TPI1: variants seen among roughly 807,000 people sequenced by gnomAD.
TPI1 encodes triosephosphate isomerase.
A neutral mutation model predicts 31.0 loss-of-function variants in TPI1; 11 were observed. The ratio of observed to expected loss-of-function variants is 0.36; its 90% CI spans 0.22 to 0.59. The LOEUF (loss-of-function observed/expected upper bound fraction) is 0.59, where lower values mean the gene tolerates loss of function less well. Among genes scored for constraint, TPI1 ranks in the 20% least tolerant of loss-of-function variants. The pLI, the probability that TPI1 is intolerant of heterozygous loss-of-function variation, is 0.79. For missense variants in TPI1, 245 were observed against 319.7 expected (o/e 0.77, Z 1.78); for synonymous variants, 121 against 122.8 (o/e 0.99, Z 0.10).
upstream of TPI1, chr12:6,867,447 G>GGGCGGGCCAT: frequency 6.6e-7 from 1 of 1,504,934 alleles, no homozygotes; most frequent in Non-Finnish European, 8.9e-7. Context: ...CCGGGGGACT[G>GGGCGGGCCAT]GGCGGGCCAT....
chr12:6,868,296 C>G (rs1944505129), intron 1 of TPI1: 2 of 1,287,520 alleles, frequency 1.6e-6, no homozygotes, highest in Non-Finnish European at 1.0e-6. Context: ...CTGGAAACAG[C>G]AAAGCGCAAG....
intron 1 of TPI1, chr12:6,868,285 C>T (rs1555131858): frequency 7.8e-7 from 1 of 1,287,586 alleles, no homozygotes; most frequent in East Asian, 5.5e-5. Context: ...CTTTCCCCAA[C>T]CTGGAAACAG....
At chr12:6,869,876 C>T in intron 5 of TPI1, 103 bp downstream of exon 5, 1 of 1,457,638 alleles carries the variant, frequency 6.9e-7, no homozygotes. Flanking sequence ...ACACAGAGAC[C>T]TTGAACCCAG....
chr12:6,868,149 G>A (rs915605123), intron 1 of TPI1: 2 of 1,130,996 alleles, frequency 1.8e-6, no homozygotes, highest in Non-Finnish European at 2.2e-6. Context: ...CGAGCTGCTC[G>A]GGCTCCCTGA....
intron 1 of TPI1, chr12:6,868,380 C>A: frequency 7.8e-7 from 1 of 1,288,164 alleles, no homozygotes. Flanking sequence ...CTCCCTCCAC[C>A]GAAATCGGAG....
Position 6,870,270 on chromosome 12 carries a change from G to T in TPI1, c.637G>T (p.Val213Leu). The change falls in exon 7 of 7, where the codon GTG (valine) becomes TTG (leucine). Residue 213 changes from valine to leucine, a missense_variant. Transcript: ENST00000396705. The stretch of plus-strand genomic sequence containing the variant: ...TTGTTCTGCTCCCTTCCCAGGCTCT[G>T]TGACTGGGGCAACCTGCAAGGAGCT... ...QSTRIIYGGS[V>L]TGATCKELAS... 6.2e-7 allele frequency: 1 copy of T among 1,614,144 alleles called. No individual in the cohort carries two copies. The highest frequency in any genetic ancestry group is 8.5e-7 in the Non-Finnish European group (1 of 1,180,006).
At chr12:6,868,026 G>C in intron 1 of TPI1, 1 of 1,205,002 alleles carries the variant, frequency 8.3e-7, no homozygotes, top group Non-Finnish European at 1.1e-6. Context: ...GAGACCGGGG[G>C]AGGCTGGGCC....
At chr12:6,869,655 A>G (rs1224502094) in intron 4 of TPI1, 33 bp from the exon 5 acceptor site, 2 of 1,612,072 alleles carry the variant, frequency 1.2e-6, no homozygotes, top group East Asian at 2.2e-5. Flanking sequence ...TTTCTTGTTC[A>G]CCCTTCCCTC....
Position 6,869,383 on chromosome 12 carries a change from C to A in TPI1, c.450C>A (p.Val150=). 2.5e-6 allele frequency: 4 copies of A among 1,614,080 alleles called. No homozygotes were observed. Among genetic ancestry groups the A allele is most frequent in the South Asian group, 1.1e-5 (1 of 91,064 alleles). Residue 150 remains valine (V), a synonymous_variant, in exon 4 of 7, where the codon GTC becomes GTA. Transcript: ENST00000396705. ...TEKVVFEQTK[V]IADNVKDWSK... is the part of the protein sequence containing the mutation. ...AGGTTGTTTTCGAGCAGACAAAGGTCATCGCAGGTATCTCTGGAGAAAGGG... is the reference window on the plus strand; with the variant it reads ...AGGTTGTTTTCGAGCAGACAAAGGTAATCGCAGGTATCTCTGGAGAAAGGG...
At position 6,869,788 on chromosome 12, in the gene TPI1, G is replaced by A. The variant is rs1555132397; in HGVS notation, c.543+15G>A. 1.2e-6 allele frequency: 2 copies of A among 1,613,996 alleles called. No individual in the cohort carries two copies. Among genetic ancestry groups the A allele is most frequent in the Admixed American group, 1.7e-5 (1 of 60,028 alleles). On this transcript the variant is annotated intron_variant, in intron 5 of 6. Transcript: ENST00000396705. ...CACCCCAACAGGTAACCGGGCCCAGGAGCCCTGCCCTCATCCCAGCCTGCC... is the reference window on the plus strand; with the variant it reads ...CACCCCAACAGGTAACCGGGCCCAGAAGCCCTGCCCTCATCCCAGCCTGCC...
At position 6,870,311 on chromosome 12, in the gene TPI1, T is replaced by A; in HGVS notation, c.678T>A (p.Asp226Glu). Reference sequence around the variant, plus strand: ...GCAAGGAGCTGGCCAGCCAGCCTGATGTGGATGGCTTCCTTGTGGGTGGTG... The same window carrying A: ...GCAAGGAGCTGGCCAGCCAGCCTGAAGTGGATGGCTTCCTTGTGGGTGGTG... ...ATCKELASQP[D>E]VDGFLVGGAS... The change falls in exon 7 of 7, where the codon GAT (aspartate) becomes GAA (glutamate). Residue 226 changes from aspartate to glutamate, a missense_variant. Transcript: ENST00000396705. 6.2e-7 allele frequency: 1 copy of A among 1,614,218 alleles called. No individual in the cohort carries two copies. The highest frequency in any genetic ancestry group is 8.5e-7 in the Non-Finnish European group (1 of 1,180,038).
chr12:6,870,922 AAAC>A lies in TPI1; in HGVS notation c.*542_*544del, dbSNP rs782559646. ...GATCATTTGTGCAAGAAAAAAAAAAAAACAAGAACAGGTTTCTATAACAACATC... is the reference window on the plus strand; with the variant it reads ...GATCATTTGTGCAAGAAAAAAAAAAAAAGAACAGGTTTCTATAACAACATC... On this transcript the variant is annotated 3_prime_UTR_variant, in exon 7 of 7. Coordinates refer to ENST00000396705, the MANE Select transcript of TPI1 (RefSeq NM_000365.6). 1.7e-4 allele frequency: 111 copies of A among 651,634 alleles called. No homozygotes were observed. Among genetic ancestry groups the A allele is most frequent in the Non-Finnish European group, 2.1e-4 (76 of 359,850 alleles). The allele number at this position is 651,634 out of a possible 1,614,324, so 40.4% of individuals were successfully genotyped here. A position where few individuals can be genotyped will look rare whatever the true frequency, so the allele number is the denominator to read the frequency against.
At position 6,869,983 on chromosome 12, in the gene TPI1, G is replaced by A. The variant is rs192901775; in HGVS notation, c.544-66G>A. The A allele has an allele frequency of 3.8e-6, 6 of 1,563,222 alleles. No homozygotes were observed. The Admixed American group carries it at 6.7e-5, about 17-fold the overall frequency. On this transcript the variant is annotated intron_variant, in intron 5 of 6. Transcript: ENST00000396705. ...TCAGAAACCACACTAAGTGTCCACTGGTGCCAGTGATTTTTCCTCTTAGAG... is the reference window on the plus strand; with the variant it reads ...TCAGAAACCACACTAAGTGTCCACTAGTGCCAGTGATTTTTCCTCTTAGAG...
chr12:6,870,275 T>C lies in TPI1; in HGVS notation c.642T>C (p.Thr214=). 6.2e-7 allele frequency: 1 copy of C among 1,614,130 alleles called. No homozygotes were observed. Among genetic ancestry groups the C allele is most frequent in the Non-Finnish European group, 8.5e-7 (1 of 1,179,992 alleles). ...CTGCTCCCTTCCCAGGCTCTGTGAC[T>C]GGGGCAACCTGCAAGGAGCTGGCCA... The part of the protein sequence containing the change: ...STRIIYGGSV[T]GATCKELASQ... The change falls in exon 7 of 7, where the codon ACT becomes ACC. Residue 214 remains threonine (T), a synonymous_variant. Coordinates refer to ENST00000396705, the MANE Select transcript of TPI1 (RefSeq NM_000365.6).
intron 1 of TPI1, chr12:6,868,637 G>A: frequency 2.2e-6 from 3 of 1,351,212 alleles, no homozygotes; most frequent in Non-Finnish European, 3.0e-6. Flanking sequence ...AGAGGGCAGG[G>A]TGAGGGCCGT....
chr12:6,870,213 G>C, intron 6 of TPI1, 52 bp from the exon 7 acceptor site: 1 of 1,601,830 alleles, frequency 6.2e-7, no homozygotes, highest in East Asian at 2.2e-5. Context: ...AGGTGGGGAT[G>C]GGGCAGACTC....
Position 6,867,666 on chromosome 12 carries a change from G to A in TPI1, c.100G>A (p.Val34Met). The A allele has an allele frequency of 6.2e-7, 1 of 1,609,904 alleles. No individual in the cohort carries two copies. Among genetic ancestry groups the A allele is most frequent in the South Asian group, 1.1e-5 (1 of 90,644 alleles). Residue 34 changes from valine to methionine, a missense_variant, in exon 1 of 7, where the codon GTG (valine) becomes ATG (methionine). This residue lies in a region of TPI1 where 95 missense variants were observed against 96.4 expected (regional missense o/e 0.99). Transcript: ENST00000396705. The part of the protein sequence containing the change: ...ELIGTLNAAK[V>M]PADTEVVCAP... ...CATCGGCACTCTGAACGCGGCCAAG[G>A]TGCCGGCCGACACCGGTAAGCCCTC...
At chr12:6,869,593 G>A (rs1944538969) in intron 4 of TPI1, 95 bp from the exon 5 acceptor site, 12 of 1,506,314 alleles carry the variant, frequency 8.0e-6, no homozygotes, top group South Asian at 1.1e-5. Context: ...TGTCCACTAG[G>A]GGGCAGTAGG....
In TPI1 at chr12:6,867,699, AG is replaced by A. The variant is rs782390162; in HGVS notation, c.115+22del. 3.1e-5 allele frequency: 50 copies of A among 1,590,502 alleles called. No individual in the cohort carries two copies. In the African/African-American group the frequency reaches 5.7e-4, roughly 18 times the overall value. On this transcript the variant is annotated intron_variant, in intron 1 of 6. Transcript: ENST00000396705. The stretch of plus-strand genomic sequence containing the variant: ...CGACACCGGTAAGCCCTCGCCGAGG[AG>A]GGGTCTGGCCGGGCCGGGGCCGGGG...
Sources: allele counts gnomAD v4.1 joint callset, GRCh38; gene constraint gnomAD v4.1.1; regional missense constraint gnomAD v4.1.1; transcripts MANE v1.5; gene names NCBI Gene and HGNC (gene_info 2026-07-23, HGNC 2026-07-21).